Variants in GOLGA2 observed in about 807,000 individuals in gnomAD.
GOLGA2 encodes golgin A2, also known as golgin subfamily A member 2.
Under a neutral mutation model 148.8 loss-of-function variants are expected in GOLGA2, and 49 were observed. The observed-to-expected ratio is 0.33, with a 90% confidence interval of 0.26 to 0.42. GOLGA2 has a LOEUF of 0.42. GOLGA2 is among the 10% of genes least tolerant of loss of function. The pLI, the probability that GOLGA2 is intolerant of heterozygous loss-of-function variation, is 1.00. For missense variants in GOLGA2, 1,178 were observed against 1,304.6 expected (o/e 0.90, Z 1.49); for synonymous variants, 501 against 511.8 (o/e 0.98, Z 0.28).
chr9:128,265,556 C>T, intron 12 of GOLGA2, 29 bp downstream of exon 12: 5 of 1,500,902 alleles, frequency 3.3e-6, no homozygotes, highest in Non-Finnish European at 4.6e-6. Context: ...GCCAGTATGC[C>T]AGGGGACGGG....
In GOLGA2 at chr9:128,261,124, AC is replaced by A. The variant is rs1830245341; in HGVS notation, c.1420+47del. 2.3e-6 allele frequency: 3 copies of A among 1,293,782 alleles called. No individual in the cohort carries two copies. The highest frequency in any genetic ancestry group is 3.4e-6 in the Non-Finnish European group (3 of 888,582). 80.1% of individuals were successfully genotyped at this position (1,293,782 alleles called of 1,614,324 possible). On this transcript the variant is annotated intron_variant, in intron 17 of 26. Coordinates refer to ENST00000611957, the MANE Select transcript of GOLGA2 (RefSeq NM_001366244.2). The surrounding 1 kb of genome is among the most constrained non-coding windows in gnomAD (Gnocchi z 5.7). ...TGGGGCATTCTAAACCACCCCCACA[AC>A]CCTCTGACACCATTCCTGCTCCCAG...
Position 128,266,205 on chromosome 9 carries a change from T to A in GOLGA2, c.681+82A>T. The A allele has an allele frequency of 1.4e-6, 2 of 1,398,994 alleles. No homozygotes were observed. The allele number at this position is 1,398,994 out of a possible 1,614,324, so 86.7% of individuals were successfully genotyped here. A position where few individuals can be genotyped will look rare whatever the true frequency, so the allele number is the denominator to read the frequency against. ...CCTTCTTCCCCAGGCTGGGAGTGGGTGAGACGAGACTGAGGCCTCTACATT... is the reference window on the plus strand; with the variant it reads ...CCTTCTTCCCCAGGCTGGGAGTGGGAGAGACGAGACTGAGGCCTCTACATT... On this transcript the variant is annotated intron_variant, in intron 9 of 26. Transcript: ENST00000611957. This position sits in a 1 kb window ranked among gnomAD's most constrained non-coding sequence, Gnocchi z 4.2.
chr9:128,263,929 G>A (rs1475470120), intron 12 of GOLGA2, among the ~76,000 whole-genome samples: 3 of 150,338 alleles, frequency 2.0e-5, no homozygotes, highest in African/African-American at 7.3e-5. Context: ...GGCCGAGGGG[G>A]ACGGATTACG....
rs925294722 is a variant in GOLGA2 at position 128,261,505 on chromosome 9, G to A, written c.1281C>T (p.Leu427=). 8.7e-6 allele frequency: 14 copies of A among 1,611,976 alleles called. No individual in the cohort carries two copies. The highest frequency in any genetic ancestry group is 1.3e-5 in the African/African-American group (1 of 74,874). The change falls in exon 16 of 27, where the codon CTC becomes CTT. Residue 427 remains leucine (L), a synonymous_variant. Transcript: ENST00000611957. This position sits in a 1 kb window ranked among gnomAD's most constrained non-coding sequence, Gnocchi z 5.7. ...QMERDKYAEN[L]KGESAMWRQR... is the part of the protein sequence containing the mutation. ...GCCGCCACATGGCGCTCTCTCCTTTGAGATTCTCCGCATATTTATCTCTCT... is the reference window on the plus strand; with the variant it reads ...GCCGCCACATGGCGCTCTCTCCTTTAAGATTCTCCGCATATTTATCTCTCT...
At position 128,272,830 on chromosome 9, in the gene GOLGA2, A is replaced by T. The variant is rs1396913255; in HGVS notation, c.243T>A (p.Leu81=). The T allele has an allele frequency of 7.8e-7, 1 of 1,282,464 alleles. No individual in the cohort carries two copies. The highest frequency in any genetic ancestry group is 3.2e-4 in the Middle Eastern group (1 of 3,164). 79.4% of individuals were successfully genotyped at this position (1,282,464 alleles called of 1,614,324 possible). A position where few individuals can be genotyped will look rare whatever the true frequency, so the allele number is the denominator to read the frequency against. The change falls in exon 3 of 27, where the codon CTT becomes CTA. Residue 81 remains leucine, a synonymous_variant. Transcript: ENST00000611957. ...GGAGCGCTACCCCATTGGAACGGTT[A>T]AGGTCGGACACCAGCACCTTCAGAA... ...QDILKVLVSD[L]NRSNGVALPP... is the part of the protein sequence containing the mutation.
At position 128,258,973 on chromosome 9, in the gene GOLGA2, G is replaced by A. The variant is rs1830079754; in HGVS notation, c.2173+34C>T. The A allele has an allele frequency of 2.2e-6, 3 of 1,343,270 alleles. No individual in the cohort carries two copies. Among genetic ancestry groups the A allele is most frequent in the African/African-American group, 2.9e-5 (2 of 70,050 alleles). The allele number at this position is 1,343,270 out of a possible 1,614,324, so 83.2% of individuals were successfully genotyped here. ...CTAACAGTCCCCCCTTCTTCCTGGGGCTCTCTCCTCTTCCTGTGAGCAGGT... is the reference window on the plus strand; with the variant it reads ...CTAACAGTCCCCCCTTCTTCCTGGGACTCTCTCCTCTTCCTGTGAGCAGGT... On this transcript the variant is annotated intron_variant, in intron 21 of 26. Coordinates refer to ENST00000611957, the MANE Select transcript of GOLGA2 (RefSeq NM_001366244.2). The surrounding 1 kb of genome is among the most constrained non-coding windows in gnomAD (Gnocchi z 6.6).
chr9:128,266,548 A>C lies in GOLGA2; in HGVS notation c.643-223T>G, dbSNP rs191392335. On this transcript the variant is annotated intron_variant, in intron 8 of 26. Transcript: ENST00000611957. This position sits in a 1 kb window ranked among gnomAD's most constrained non-coding sequence, Gnocchi z 4.2. Reference sequence around the variant, plus strand: ...CACAGAACTGAAAGTCTGAATCTCGATTCTCTTGAAAGGACAGTAACATAA... The same window carrying C: ...CACAGAACTGAAAGTCTGAATCTCGCTTCTCTTGAAAGGACAGTAACATAA... 1.3e-3 allele frequency: 752 copies of C among 599,016 alleles called. 7 individuals are homozygous for C. The highest frequency in any genetic ancestry group is 0.012 in the African/African-American group (621 of 53,900). 37.1% of individuals were successfully genotyped at this position (599,016 alleles called of 1,614,324 possible). A position where few individuals can be genotyped will look rare whatever the true frequency, so the allele number is the denominator to read the frequency against.
At chr9:128,275,777 G>T (rs912306117) in intron 1 of GOLGA2, 116 bp downstream of exon 1, 2 of 618,304 alleles carry the variant, frequency 3.2e-6, no homozygotes, top group South Asian at 2.1e-5. Context: ...GAGCCCGGAC[G>T]CGCCGTGGGG....
chr9:128,270,080 G>A (rs769792507), intron 3 of GOLGA2, among the ~76,000 whole-genome samples: 1 of 151,518 alleles, frequency 6.6e-6, no homozygotes, highest in South Asian at 2.1e-4. Flanking sequence ...GGCATCTTCG[G>A]TTCCCACTGA....
chr9:128,275,966 T>C lies in GOLGA2; in HGVS notation c.11A>G (p.Gln4Arg). MWP[Q>R]PRLPPRPAMS... The stretch of plus-strand genomic sequence containing the variant: ...CGCGGGGCGGGGAGGGAGGCGGGGT[T>C]GGGGCCACATCAGCGCGATCCCGGC... Residue 4 changes from glutamine (Q) to arginine (R), a missense_variant, in exon 1 of 27, where the codon CAA becomes CGA. Gln to Arg is a conservative substitution (Grantham distance 43). Around this residue, in one of 5 missense-constraint regions of GOLGA2, gnomAD observed 158 missense variants for 156.6 expected, o/e 1.01. Transcript: ENST00000611957. 1 of 1,594,700 alleles carries C rather than the reference T, an allele frequency of 6.3e-7. No individual in the cohort carries two copies. Among genetic ancestry groups the C allele is most frequent in the Non-Finnish European group, 8.5e-7 (1 of 1,170,584 alleles).
In GOLGA2 at chr9:128,256,511, ATAAT is replaced by A. The variant is rs1225909326; in HGVS notation, c.*552_*555del. On this transcript the variant is annotated 3_prime_UTR_variant, in exon 27 of 27. Coordinates refer to ENST00000611957, the MANE Select transcript of GOLGA2 (RefSeq NM_001366244.2). ...TTTCTTTAATCCCATAACTTTTTTC[ATAAT>A]TTTTTTTTTTTTTGAGACAGAGTCT... 3.5e-5 allele frequency: 5 copies of A among 142,172 alleles called. No individual in the cohort carries two copies. The highest frequency in any genetic ancestry group is 3.5e-4 in the Admixed American group (5 of 14,456). 8.8% of individuals were successfully genotyped at this position (142,172 alleles called of 1,614,324 possible).
intron 12 of GOLGA2, among the ~76,000 whole-genome samples, chr9:128,264,520 G>C (rs760315729): frequency 2.0e-4 from 30 of 152,068 alleles, no homozygotes; most frequent in Non-Finnish European, 1.5e-4. Context: ...TTCCGCCCCC[G>C]GGTTCAAGCA....
chr9:128,261,534 TTTGTAG>T lies in GOLGA2; in HGVS notation c.1246_1251del (p.Leu416_Gln417del). 1 of 1,608,454 alleles carries T rather than the reference TTTGTAG, an allele frequency of 6.2e-7. No individual in the cohort carries two copies. The highest frequency in any genetic ancestry group is 8.5e-7 in the Non-Finnish European group (1 of 1,174,772). ...TTCTCCGCATATTTATCTCTCTCCA[TTTGTAG>T]TTGTCTAACCGACTCCATTACCTGC... is the stretch of plus-strand genomic sequence containing the variant. On this transcript the variant is annotated inframe_deletion, in exon 16 of 27. Transcript: ENST00000611957. The surrounding 1 kb of genome is among the most constrained non-coding windows in gnomAD (Gnocchi z 5.7).
chr9:128,270,882 T>C (rs560909080), intron 3 of GOLGA2, among the ~76,000 whole-genome samples: 8 of 151,104 alleles, frequency 5.3e-5, no homozygotes, highest in African/African-American at 9.7e-5. Context: ...CCCATCTCTA[T>C]TAAAAATACA....
At chr9:128,265,463 G>GT in intron 12 of GOLGA2, 122 bp downstream of exon 12, 1 of 799,260 alleles carries the variant, frequency 1.3e-6, no homozygotes, top group Non-Finnish European at 2.2e-6. Context: ...CACAAAAGCA[G>GT]TGATAAATGG....
chr9:128,271,879 A>G lies in GOLGA2; in HGVS notation c.288+906T>C, dbSNP rs554204427. On this transcript the variant is annotated intron_variant, in intron 3 of 26. Coordinates refer to ENST00000611957, the MANE Select transcript of GOLGA2 (RefSeq NM_001366244.2). This position sits in a 1 kb window ranked among gnomAD's most constrained non-coding sequence, Gnocchi z 4.4. ...AATATGGCTAAATGTCCATTTGGAG[A>G]GATTAGGGGCAGAACGTCTTGGTCA... 6.6e-6 allele frequency among the ~76,000 whole-genome samples: 1 copy of G among 152,070 alleles called. No homozygotes were observed. Among genetic ancestry groups the G allele is most frequent in the South Asian group, 2.1e-4 (1 of 4,818 alleles).
Position 128,266,189 on chromosome 9 carries a change from C to G in GOLGA2, c.681+98G>C, listed in dbSNP as rs1209651711. ...AATCTGGGGGGGTGAGCCTTCTTCC[C>G]CAGGCTGGGAGTGGGTGAGACGAGA... On this transcript the variant is annotated intron_variant, in intron 9 of 26. Transcript: ENST00000611957. The surrounding 1 kb of genome is among the most constrained non-coding windows in gnomAD (Gnocchi z 4.2). 2 of 1,389,164 alleles carry G rather than the reference C, an allele frequency of 1.4e-6. No individual in the cohort carries two copies. Among genetic ancestry groups the G allele is most frequent in the African/African-American group, 2.8e-5 (2 of 70,512 alleles). 86.1% of individuals were successfully genotyped at this position (1,389,164 alleles called of 1,614,324 possible).
At position 128,258,044 on chromosome 9, in the gene GOLGA2, G is replaced by T. The variant is rs1830005926; in HGVS notation, c.2444C>A (p.Thr815Asn). 1 of 1,611,704 alleles carries T rather than the reference G, an allele frequency of 6.2e-7. No individual in the cohort carries two copies. Among genetic ancestry groups the T allele is most frequent in the Non-Finnish European group, 8.5e-7 (1 of 1,179,556 alleles). Residue 815 changes from threonine (T) to asparagine (N), a missense_variant, in exon 23 of 27, where the codon ACC becomes AAC. Physicochemically the swap from Thr to Asn is moderately conservative, Grantham distance 65 (BLOSUM62 0). Transcript: ENST00000611957. This position sits in a 1 kb window ranked among gnomAD's most constrained non-coding sequence, Gnocchi z 6.6. The stretch of plus-strand genomic sequence containing the variant: ...CTCCCCACACACAGAATCACCCCCG[G>T]TCCCTGGGGCTGGGGCTGCTGCCTC... The part of the protein sequence containing the change: ...EPEAAAPAPG[T>N]GGDSVCGETH...
In GOLGA2 at chr9:128,268,633, G is replaced by A. The variant is rs369207505; in HGVS notation, c.289-109C>T. On this transcript the variant is annotated intron_variant, in intron 3 of 26. Coordinates refer to ENST00000611957, the MANE Select transcript of GOLGA2 (RefSeq NM_001366244.2). ...GGACAGGTGTTGCTGCAGTCAGAGT[G>A]ACAGTCACACATGCTAGGAGCCACT... 146 of 662,732 alleles carry A rather than the reference G, an allele frequency of 2.2e-4. 1 individual carries two copies. The highest frequency in any genetic ancestry group is 7.2e-4 in the Middle Eastern group (3 of 4,160). The allele number at this position is 662,732 out of a possible 1,614,324, so 41.1% of individuals were successfully genotyped here.
Sources: allele counts gnomAD v4.1 joint callset (sites outside exome capture counted in the v4.1 genomes callset), GRCh38; gene constraint gnomAD v4.1.1; regional missense constraint gnomAD v4.1.1; non-coding constraint Gnocchi (gnomAD v3.1); transcripts MANE v1.5; gene names NCBI Gene and HGNC (gene_info 2026-07-23, HGNC 2026-07-21).